The following SLC1A2 variants were observed in gnomAD, a reference collection of about 807,000 sequenced individuals.
The protein encoded by SLC1A2 is excitatory amino acid transporter 2.
In SLC1A2, 15 loss-of-function variants were observed where a neutral mutation model predicts 48.8. The ratio of observed to expected loss-of-function variants is 0.31; its 90% CI spans 0.21 to 0.47. The LOEUF (loss-of-function observed/expected upper bound fraction) is 0.47. SLC1A2 is among the 20% of genes least tolerant of loss of function. The probability of loss-of-function intolerance (pLI) is 0.99; values close to 1 mark genes in which losing one functional copy is unlikely to be tolerated. For missense variants in SLC1A2, 502 were observed against 730.5 expected, an observed-to-expected ratio of 0.69 and a Z score of 3.61; for synonymous variants, 279 against 272.6, an observed-to-expected ratio of 1.02 and a Z score of -0.23.
At chr11:35,400,576 C>T (rs1565304250) in intron 1 of SLC1A2, among the ~76,000 whole-genome samples, 1 of 152,104 alleles carries the variant, frequency 6.6e-6, no homozygotes, top group African/African-American at 2.4e-5. Flanking sequence ...TGAATAAATT[C>T]GTTATGGATA....
At position 35,312,296 on chromosome 11, in the gene SLC1A2, G is replaced by A. The variant is rs756797732; in HGVS notation, c.463C>T (p.Pro155Ser). The A allele has an allele frequency of 1.1e-5, 17 of 1,613,964 alleles. No individual in the cohort carries two copies. Among genetic ancestry groups the A allele is most frequent in the African/African-American group, 4.0e-5 (3 of 74,894 alleles). ...GACACTTCATCATTCTTCTTCCCAG[G>A]CCCCAGCTGCTTCTTGAGCTTGGGA... Reference protein sequence around the residue: ...GNPKLKKQLGPGKKNDEVSSL... With the variant: ...GNPKLKKQLGSGKKNDEVSSL... The change falls in exon 4 of 11, where the codon CCT becomes TCT. Residue 155 changes from proline (P) to serine (S), a missense_variant. Coordinates refer to ENST00000278379, the MANE Select transcript of SLC1A2 (RefSeq NM_004171.4).
chr11:35,392,190 G>A (rs1191306897), intron 1 of SLC1A2: 1 of 152,114 alleles, frequency 6.6e-6, no homozygotes, highest in Non-Finnish European at 1.5e-5. Flanking sequence ...ACTTTTAAGT[G>A]TTTGTACAAT....
chr11:35,319,041 T>C (rs1364548343), intron 1 of SLC1A2, among the ~76,000 whole-genome samples: 3 of 152,232 alleles, frequency 2.0e-5, no homozygotes, highest in Non-Finnish European at 4.4e-5. Context: ...CTCCCCTTAA[T>C]GGCCTAATTT....
chr11:35,341,242 A>C (rs969239954), intron 1 of SLC1A2, among the ~76,000 whole-genome samples: 2 of 151,968 alleles, frequency 1.3e-5, no homozygotes, highest in African/African-American at 4.8e-5. Flanking sequence ...TAGAGGGGAG[A>C]AGTGGGGGTA....
intron 1 of SLC1A2, among the ~76,000 whole-genome samples, chr11:35,388,128 C>T (rs1189612378): frequency 5.3e-5 from 8 of 152,108 alleles, no homozygotes; most frequent in African/African-American, 1.2e-4. Flanking sequence ...TATCAACCCT[C>T]GGGGAAAGGA....
intron 10 of SLC1A2, among the ~76,000 whole-genome samples, chr11:35,263,439 G>T (rs1375712361): frequency 6.6e-6 from 1 of 152,154 alleles, no homozygotes; most frequent in African/African-American, 2.4e-5. Context: ...TTGCACTCCA[G>T]CCTGGGCAAC....
chr11:35,392,808 G>A (rs1479712420), intron 1 of SLC1A2, among the ~76,000 whole-genome samples: 1 of 152,136 alleles, frequency 6.6e-6, no homozygotes, highest in East Asian at 1.9e-4. Context: ...GAGGGAGGGT[G>A]GATAAATGTG....
chr11:35,378,534 A>C (rs1854314968), intron 1 of SLC1A2, among the ~76,000 whole-genome samples: 1 of 152,238 alleles, frequency 6.6e-6, no homozygotes, highest in African/African-American at 2.4e-5. Context: ...TTGTGTCTTT[A>C]GGAATAACTG....
chr11:35,268,076 T>C (rs1395261173), intron 9 of SLC1A2, among the ~76,000 whole-genome samples: 1 of 152,250 alleles, frequency 6.6e-6, no homozygotes, highest in Non-Finnish European at 1.5e-5. Flanking sequence ...AAGTACAGGC[T>C]ACAGACTGTT....
chr11:35,358,152 A>T (rs1344228017), intron 1 of SLC1A2, among the ~76,000 whole-genome samples: 2 of 152,150 alleles, frequency 1.3e-5, no homozygotes, highest in African/African-American at 2.4e-5. Context: ...TAAAAAAAAA[A>T]AGGGAGGTGG....
At position 35,252,974 on chromosome 11, in the gene SLC1A2, G is replaced by A. The variant is rs1950262066; in HGVS notation, c.*7920C>T. On this transcript the variant is annotated 3_prime_UTR_variant, in exon 11 of 11. Transcript: ENST00000278379. ...ACATCTAATCTGTTTGTTTAATGAAGAGCAGGTTCAAATACATACCAATAC... is the reference window on the plus strand; with the variant it reads ...ACATCTAATCTGTTTGTTTAATGAAAAGCAGGTTCAAATACATACCAATAC... The A allele has an allele frequency of 1.3e-5, 2 of 152,528 alleles. No individual in the cohort carries two copies. The highest frequency in any genetic ancestry group is 4.1e-4 in the South Asian group (2 of 4,830). The allele number at this position is 152,528 out of a possible 1,614,324, so 9.4% of individuals were successfully genotyped here. A position where few individuals can be genotyped will look rare whatever the true frequency, so the allele number is the denominator to read the frequency against.
rs1322250056 is a variant in SLC1A2 at position 35,252,188 on chromosome 11, G to A, written c.*8706C>T. 3 of 152,572 alleles carry A rather than the reference G, an allele frequency of 2.0e-5. No homozygotes were observed. Among genetic ancestry groups the A allele is most frequent in the African/African-American group, 7.2e-5 (3 of 41,424 alleles). The allele number at this position is 152,572 out of a possible 1,614,324, so 9.5% of individuals were successfully genotyped here. On this transcript the variant is annotated 3_prime_UTR_variant, in exon 11 of 11. Coordinates refer to ENST00000278379, the MANE Select transcript of SLC1A2 (RefSeq NM_004171.4). ...TAGGGTTTCACCTGCAGATGCATTTGCAGTTAGTTAGTCAGCAATGTTTTT... is the reference window on the plus strand; with the variant it reads ...TAGGGTTTCACCTGCAGATGCATTTACAGTTAGTTAGTCAGCAATGTTTTT...
intron 1 of SLC1A2, among the ~76,000 whole-genome samples, chr11:35,385,968 C>A (rs1345470612): frequency 6.6e-6 from 1 of 152,082 alleles, no homozygotes; most frequent in Non-Finnish European, 1.5e-5. Flanking sequence ...GAGATCTAGA[C>A]CATCCTGGCT....
chr11:35,301,724 A>C, intron 5 of SLC1A2, 79 bp from the exon 6 acceptor site: 1 of 1,365,678 alleles, frequency 7.3e-7, no homozygotes, highest in Non-Finnish European at 1.0e-6. Context: ...ACCATTCCCA[A>C]TGTATGGAGC....
At chr11:35,406,207 C>T (rs1855288290) in intron 1 of SLC1A2, among the ~76,000 whole-genome samples, 1 of 152,116 alleles carries the variant, frequency 6.6e-6, no homozygotes, top group South Asian at 2.1e-4. Context: ...AGAAGCCTTC[C>T]CTCCTTCTCC....
chr11:35,318,859 A>C (rs1034427426), intron 1 of SLC1A2, among the ~76,000 whole-genome samples: 3 of 152,246 alleles, frequency 2.0e-5, no homozygotes, highest in Admixed American at 1.3e-4. Flanking sequence ...CCATTCTAGC[A>C]AGACACCAAG....
chr11:35,321,508 A>T (rs140698029), intron 1 of SLC1A2, among the ~76,000 whole-genome samples: 2 of 152,274 alleles, frequency 1.3e-5, no homozygotes, highest in East Asian at 3.9e-4. Context: ...TACTACCAAG[A>T]TCCTAAAGCT....
At chr11:35,292,240 G>A (rs2134746142) in intron 7 of SLC1A2, 47 bp downstream of exon 7, 8 of 1,366,726 alleles carry the variant, frequency 5.9e-6, no homozygotes, top group Non-Finnish European at 8.3e-6. Context: ...ATGGCAAAGA[G>A]GGCAAAAGAG....
chr11:35,386,050 C>T (rs989758959), intron 1 of SLC1A2, among the ~76,000 whole-genome samples: 7 of 152,134 alleles, frequency 4.6e-5, no homozygotes, highest in East Asian at 1.9e-4. Flanking sequence ...CCTGTAGTCC[C>T]AGCTACTCAG....
Sources: gnomAD v4.1 joint callset for allele counts (sites outside exome capture counted in the v4.1 genomes callset) on GRCh38, gnomAD v4.1.1 for gene constraint, MANE v1.5 for transcripts, NCBI Gene and HGNC (gene_info 2026-07-23, HGNC 2026-07-21) for gene names.